Variants in PDE8B observed in about 807,000 individuals in gnomAD.
PDE8B encodes the protein high affinity cAMP-specific and IBMX-insensitive 3',5'-cyclic phosphodiesterase 8B.
In PDE8B, 26 loss-of-function variants were observed where a neutral mutation model predicts 101.3. The ratio of observed to expected loss-of-function variants is 0.26; its 90% CI spans 0.19 to 0.36. The LOEUF (loss-of-function observed/expected upper bound fraction) is 0.36, where lower values mean the gene tolerates loss of function less well. Among genes scored for constraint, PDE8B ranks in the 10% least tolerant of loss-of-function variants. The probability of loss-of-function intolerance (pLI) is 1.00; values close to 1 mark genes in which losing one functional copy is unlikely to be tolerated. For missense variants in PDE8B, 810 were observed against 1,163.1 expected (o/e 0.70, Z 4.42); for synonymous variants, 424 against 429.3 (o/e 0.99, Z 0.15).
intron 1 of PDE8B, among the ~76,000 whole-genome samples, chr5:77,274,973 G>A (rs532446007): frequency 1.3e-5 from 2 of 152,144 alleles, no homozygotes; most frequent in East Asian, 1.9e-4. Flanking sequence ...TAATCCACTG[G>A]CCCACTAAAA....
Position 77,277,166 on chromosome 5 carries a change from T to C in PDE8B, c.340-34828T>C, listed in dbSNP as rs1764016066. On this transcript the variant is annotated intron_variant, in intron 1 of 21. Transcript: ENST00000264917. The stretch of plus-strand genomic sequence containing the variant: ...ACGCAGAAGGAGATTTTTGGAAAAT[T>C]GCATCTATAGAGTTAAATACTATGA... Among the ~76,000 whole-genome samples, 4 of 152,230 alleles carry C rather than the reference T, an allele frequency of 2.6e-5. No individual in the cohort carries two copies. The South Asian group carries it at 8.3e-4, about 32-fold the overall frequency.
At chr5:77,291,751 C>T in intron 1 of PDE8B, 1 of 1,584,884 alleles carries the variant, frequency 6.3e-7, no homozygotes, top group Non-Finnish European at 8.7e-7. Flanking sequence ...TCTACTTGTA[C>T]TATCAACTAC....
chr5:77,361,043 A>G (rs975912451), intron 10 of PDE8B, among the ~76,000 whole-genome samples: 12 of 152,262 alleles, frequency 7.9e-5, no homozygotes, highest in African/African-American at 2.9e-4. Flanking sequence ...TATTTGTAAG[A>G]AGTAATAAGT....
the PDE8B span, among the ~76,000 whole-genome samples, chr5:77,150,289 C>T: frequency 1.3e-5 from 2 of 152,138 alleles, no homozygotes; most frequent in African/African-American, 4.8e-5. Flanking sequence ...TGGATTAATG[C>T]CCCAGCTCCC....
At chr5:77,164,600 G>A in the PDE8B span, among the ~76,000 whole-genome samples, 3 of 152,146 alleles carry the variant, frequency 2.0e-5, no homozygotes, top group African/African-American at 7.2e-5. Flanking sequence ...GAGAAGGTAG[G>A]CACACTAGCT....
the PDE8B span, among the ~76,000 whole-genome samples, chr5:77,187,494 G>A: frequency 6.6e-6 from 1 of 152,132 alleles, no homozygotes; most frequent in Non-Finnish European, 1.5e-5. Flanking sequence ...AATCAAAGCA[G>A]TGAGCGGCCA....
At chr5:77,170,765 T>C in the PDE8B span, among the ~76,000 whole-genome samples, 3 of 152,254 alleles carry the variant, frequency 2.0e-5, no homozygotes, top group Non-Finnish European at 2.9e-5. Flanking sequence ...GAATTTGCTA[T>C]TTCTAGATAA....
intron 1 of PDE8B, among the ~76,000 whole-genome samples, chr5:77,228,248 G>A (rs1178128738): frequency 1.3e-5 from 2 of 152,162 alleles, no homozygotes; most frequent in Non-Finnish European, 1.5e-5. Context: ...TTTCATCAAA[G>A]CCAGCAAGAG....
At chr5:77,274,465 T>C (rs1242026225) in intron 1 of PDE8B, among the ~76,000 whole-genome samples, 1 of 152,162 alleles carries the variant, frequency 6.6e-6, no homozygotes, top group Non-Finnish European at 1.5e-5. Context: ...ATTCCACAAG[T>C]AGTTATTGAG....
intron 1 of PDE8B, among the ~76,000 whole-genome samples, chr5:77,273,857 T>A (rs1763297171): frequency 6.6e-6 from 1 of 152,052 alleles, no homozygotes; most frequent in Admixed American, 6.6e-5. Context: ...AGTTTCATTC[T>A]TGTTGCCCAG....
intron 2 of PDE8B, among the ~76,000 whole-genome samples, chr5:77,313,074 A>C (rs1773042218): frequency 1.3e-5 from 2 of 152,214 alleles, no homozygotes; most frequent in Admixed American, 6.5e-5. Flanking sequence ...AGGCCTAAAT[A>C]AGTTAACTTC....
At chr5:77,136,754 T>C in the PDE8B span, among the ~76,000 whole-genome samples, 4 of 152,228 alleles carry the variant, frequency 2.6e-5, no homozygotes, top group East Asian at 7.7e-4. Flanking sequence ...GCTGGCATTT[T>C]TGCAGCTGAG....
chr5:77,268,079 G>T (rs1423722435), intron 1 of PDE8B, among the ~76,000 whole-genome samples: 2 of 151,802 alleles, frequency 1.3e-5, no homozygotes, highest in African/African-American at 4.8e-5. Context: ...AGGGTGACTT[G>T]GTATCAGGAA....
intron 4 of PDE8B, among the ~76,000 whole-genome samples, chr5:77,330,251 T>A (rs1776863996): frequency 6.6e-6 from 1 of 152,192 alleles, no homozygotes; most frequent in African/African-American, 2.4e-5. Context: ...ACAGCATTTT[T>A]CCCAAGCCTG....
chr5:77,260,728 C>T (rs976089611), intron 1 of PDE8B, among the ~76,000 whole-genome samples: 1 of 151,854 alleles, frequency 6.6e-6, no homozygotes, highest in Non-Finnish European at 1.5e-5. Flanking sequence ...GCTGGGATTG[C>T]AGGCATGTAC....
At chr5:77,337,934 C>G (rs1233055967) in intron 6 of PDE8B, among the ~76,000 whole-genome samples, 1 of 152,200 alleles carries the variant, frequency 6.6e-6, no homozygotes, top group Non-Finnish European at 1.5e-5. Flanking sequence ...CCTGGGCCCT[C>G]TTAGGAATAT....
chr5:77,352,061 C>T (rs999440943), intron 9 of PDE8B, among the ~76,000 whole-genome samples: 1 of 152,212 alleles, frequency 6.6e-6, no homozygotes, highest in African/African-American at 2.4e-5. Flanking sequence ...GGCTACGTCC[C>T]GTCAATACCA....
rs1748120333 is a variant in PDE8B at position 77,210,857 on chromosome 5, T to A, written c.-69T>A. 3 of 1,145,654 alleles carry A rather than the reference T, an allele frequency of 2.6e-6. No homozygotes were observed. Among genetic ancestry groups the A allele is most frequent in the South Asian group, 3.8e-5 (1 of 26,338 alleles). 71.0% of individuals were successfully genotyped at this position (1,145,654 alleles called of 1,614,324 possible). ...GCCGCGGCCGCCCCCTCACTGCAGGTGGCAGCGGGTGCGCTGGGTCCCGGC... is the reference window on the plus strand; with the variant it reads ...GCCGCGGCCGCCCCCTCACTGCAGGAGGCAGCGGGTGCGCTGGGTCCCGGC... On this transcript the variant is annotated 5_prime_UTR_variant, in exon 1 of 22. Transcript: ENST00000264917. The surrounding 1 kb of genome is among the most constrained non-coding windows in gnomAD (Gnocchi z 4.9).
intron 1 of PDE8B, among the ~76,000 whole-genome samples, chr5:77,257,200 A>G (rs1759367945): frequency 6.6e-6 from 1 of 152,202 alleles, no homozygotes; most frequent in South Asian, 2.1e-4. Context: ...AAGCAAGATG[A>G]TAGATTTAAA....
Sources: gnomAD v4.1 joint callset for allele counts (sites outside exome capture counted in the v4.1 genomes callset) on GRCh38, gnomAD v4.1.1 for gene constraint, Gnocchi (gnomAD v3.1) non-coding constraint, MANE v1.5 for transcripts, NCBI Gene and HGNC (gene_info 2026-07-23, HGNC 2026-07-21) for gene names.